Variants in ASPH observed in about 807,000 individuals in gnomAD.
ASPH encodes the protein aspartyl/asparaginyl beta-hydroxylase.
ASPH carries 100 observed loss-of-function variants against 118.4 expected under a neutral mutation model. That is an observed-to-expected ratio of 0.84 (90% CI 0.72 to 1.00). The LOEUF is 1.00. ASPH is among the 50% of genes least tolerant of loss of function. ASPH has a pLI of 0.00. For synonymous variants in ASPH, 315 were observed against 325.6 expected, an observed-to-expected ratio of 0.97 and a Z score of 0.35; for missense variants, 920 against 919.5, an observed-to-expected ratio of 1.00 and a Z score of -0.01.
At chr8:61,671,317 T>C (rs1417526335) in intron 3 of ASPH, among the ~76,000 whole-genome samples, 23 of 152,138 alleles carry the variant, frequency 1.5e-4, no homozygotes. Flanking sequence ...CTATCTTTAG[T>C]ACCATAGCTA....
rs1258486168 is a variant in ASPH, at chr8:61,502,587, T to A, written c.*772A>T. The A allele has an allele frequency of 6.6e-6, 1 of 152,220 alleles. No individual in the cohort carries two copies. The highest frequency in any genetic ancestry group is 1.5e-5 in the Non-Finnish European group (1 of 68,050). 9.4% of individuals were successfully genotyped at this position (152,220 alleles called of 1,614,324 possible). ...CATTAAAAAAATTTGCATCTGGGATTTTTATAACAATATAAAATAATTCCA... is the reference window on the plus strand; with the variant it reads ...CATTAAAAAAATTTGCATCTGGGATATTTATAACAATATAAAATAATTCCA... On this transcript the variant is annotated 3_prime_UTR_variant, in exon 25 of 25. Transcript: ENST00000379454.
At chr8:61,570,762 A>C (rs1381312995) in intron 16 of ASPH, among the ~76,000 whole-genome samples, 1 of 152,216 alleles carries the variant, frequency 6.6e-6, no homozygotes, top group African/African-American at 2.4e-5. Flanking sequence ...ACAGGATGTT[A>C]ACATCGCAAA....
At chr8:61,631,341 C>G (rs1167805503) in intron 13 of ASPH, among the ~76,000 whole-genome samples, 2 of 152,174 alleles carry the variant, frequency 1.3e-5, no homozygotes, top group Non-Finnish European at 2.9e-5. Flanking sequence ...AATTCCAGTG[C>G]TGTAAGCTCT....
chr8:61,698,295 CCT>C (rs1005511475), intron 1 of ASPH, among the ~76,000 whole-genome samples: 11 of 152,172 alleles, frequency 7.2e-5, no homozygotes, highest in African/African-American at 2.2e-4. Context: ...CAGTTGTACC[CCT>C]GTGACTGACT....
At chr8:61,657,721 T>A (rs1411327320) in intron 3 of ASPH, 2 of 152,084 alleles carry the variant, frequency 1.3e-5, no homozygotes, top group Non-Finnish European at 2.9e-5. Flanking sequence ...GGATGCTGGA[T>A]CCAAGGGCTG....
At chr8:61,662,766 G>A (rs998562491) in intron 3 of ASPH, 1 of 795,286 alleles carries the variant, frequency 1.3e-6, no homozygotes, top group Admixed American at 6.2e-5. Context: ...TTTAGTTGAG[G>A]TGTTTCAATT....
At chr8:61,642,857 G>GAAAAAAAAAAAAAAGA in intron 10 of ASPH, 31 bp downstream of exon 10, 1 of 1,049,884 alleles carries the variant, frequency 9.5e-7, no homozygotes, top group East Asian at 3.5e-5. Context: ...AAAAAAAAAA[G>GAAAAAAAAAAAAAAGA]AAAAAAAAAA....
chr8:61,514,695 C>T (rs760649749), intron 24 of ASPH, among the ~76,000 whole-genome samples: 63 of 151,858 alleles, frequency 4.1e-4, no homozygotes, highest in Non-Finnish European at 5.3e-4. Context: ...GGCGACAGAG[C>T]GAGACTCTGT....
intron 24 of ASPH, among the ~76,000 whole-genome samples, chr8:61,512,421 G>A (rs933355124): frequency 6.6e-6 from 1 of 152,162 alleles, no homozygotes; most frequent in Non-Finnish European, 1.5e-5. Context: ...GGACTGAAGT[G>A]ACGTGTCTAT....
chr8:61,511,350 A>G (rs1201428665), intron 24 of ASPH, among the ~76,000 whole-genome samples: 1 of 152,190 alleles, frequency 6.6e-6, no homozygotes, highest in Non-Finnish European at 1.5e-5. Flanking sequence ...CTTGTTCAAC[A>G]TTTCAGGCTA....
At chr8:61,534,781 C>A (rs1818876181) in intron 21 of ASPH, among the ~76,000 whole-genome samples, 1 of 152,218 alleles carries the variant, frequency 6.6e-6, no homozygotes. Context: ...AGTTAGTACA[C>A]ATTTCAGTAA....
At chr8:61,637,164 C>T (rs551803227) in intron 12 of ASPH, among the ~76,000 whole-genome samples, 1 of 152,256 alleles carries the variant, frequency 6.6e-6, no homozygotes, top group Non-Finnish European at 1.5e-5. Context: ...CATGCTCCCC[C>T]TGGCAACTTA....
Position 61,567,279 on chromosome 8 carries a change from C to G in ASPH, c.1189G>C (p.Val397Leu). 3 of 1,614,000 alleles carry G rather than the reference C, an allele frequency of 1.9e-6. No homozygotes were observed. Among genetic ancestry groups the G allele is most frequent in the Non-Finnish European group, 2.5e-6 (3 of 1,179,962 alleles). ...TAGGTCTCGATGGCTCCACGTAGCA[C>G]CTCATTACTTCTCCTCTTCTCAGCC... ...DLAEKRRSNE[V>L]LRGAIETYQE... is the part of the protein sequence containing the mutation. The change falls in exon 17 of 25, where the codon GTG (valine) becomes CTG (leucine). Residue 397 changes from valine to leucine, a missense_variant. Transcript: ENST00000379454.
chr8:61,559,504 C>T (rs1829037019), intron 18 of ASPH, among the ~76,000 whole-genome samples: 2 of 152,174 alleles, frequency 1.3e-5, no homozygotes, highest in East Asian at 1.9e-4. Flanking sequence ...AAAGCACAGA[C>T]AAAAACAACC....
At chr8:61,662,580 C>T (rs1817457106) in intron 3 of ASPH, among the ~76,000 whole-genome samples, 1 of 152,128 alleles carries the variant, frequency 6.6e-6, no homozygotes, top group African/African-American at 2.4e-5. Context: ...TGACTGAAAG[C>T]TTGTTTTTAG....
At chr8:61,578,471 C>T (rs2132246336) in intron 15 of ASPH, 1 of 1,596,978 alleles carries the variant, frequency 6.3e-7, no homozygotes, top group East Asian at 2.2e-5. Flanking sequence ...ACCCCAACAT[C>T]CAGGCTGTGT....
At chr8:61,689,618 G>T in intron 1 of ASPH, 1 of 1,493,522 alleles carries the variant, frequency 6.7e-7, no homozygotes, top group South Asian at 1.2e-5. Context: ...AAAATAAAGT[G>T]AAAAGCTGTC....
chr8:61,689,836 C>A (rs1832107033), intron 1 of ASPH: 3 of 1,392,678 alleles, frequency 2.2e-6, no homozygotes, highest in Non-Finnish European at 2.8e-6. Context: ...CTGTAAGGGC[C>A]TCTAGAACTG....
chr8:61,503,189 G>T lies in ASPH; in HGVS notation c.*170C>A. 1 of 652,918 alleles carries T rather than the reference G, an allele frequency of 1.5e-6. No individual in the cohort carries two copies. Among genetic ancestry groups the T allele is most frequent in the Non-Finnish European group, 2.3e-6 (1 of 438,678 alleles). The allele number at this position is 652,918 out of a possible 1,614,324, so 40.4% of individuals were successfully genotyped here. On this transcript the variant is annotated 3_prime_UTR_variant, in exon 25 of 25. Coordinates refer to ENST00000379454, the MANE Select transcript of ASPH (RefSeq NM_004318.4). ...TGTTTCCTAAATGAATTGCAGCGAG[G>T]CAAATATTCCCTTTAGTGTCTTCTG...
Sources: allele counts gnomAD v4.1 joint callset (sites outside exome capture counted in the v4.1 genomes callset), GRCh38; gene constraint gnomAD v4.1.1; transcripts MANE v1.5; gene names NCBI Gene and HGNC (gene_info 2026-07-23, HGNC 2026-07-21).